Variants in AGPS observed in about 807,000 individuals in gnomAD.
AGPS encodes alkyldihydroxyacetonephosphate synthase, peroxisomal.
A neutral mutation model predicts 90.7 loss-of-function variants in AGPS; 26 were observed. The observed-to-expected ratio is 0.29, with a 90% CI of 0.21 to 0.40. The LOEUF is 0.40. AGPS is among the 10% of genes least tolerant of loss of function. The pLI is 1.00. For missense variants in AGPS, 540 were observed against 816.1 expected, an observed-to-expected ratio of 0.66 and a Z score of 4.12; for synonymous variants, 294 against 285.3, an observed-to-expected ratio of 1.03 and a Z score of -0.31.
At chr2:177,507,887 C>G (rs1688759501) in intron 15 of AGPS, 83 bp from the exon 16 acceptor site, 2 of 971,352 alleles carry the variant, frequency 2.1e-6, no homozygotes, top group African/African-American at 1.6e-5. Flanking sequence ...GTGATACTAA[C>G]AATGAATATG....
At chr2:177,397,295 A>C (rs1685208685) in intron 1 of AGPS, among the ~76,000 whole-genome samples, 2 of 152,124 alleles carry the variant, frequency 1.3e-5, no homozygotes, top group Admixed American at 6.5e-5. Context: ...TGCTGAGCAG[A>C]GTATTGAAGT....
At chr2:177,449,515 C>T (rs896819748) in intron 8 of AGPS, among the ~76,000 whole-genome samples, 2 of 152,156 alleles carry the variant, frequency 1.3e-5, no homozygotes, top group Non-Finnish European at 2.9e-5. Context: ...CTTGACCTCC[C>T]TGGGCTTAGG....
intron 9 of AGPS, 51 bp downstream of exon 9, chr2:177,462,069 AT>A: frequency 7.0e-7 from 1 of 1,432,364 alleles, no homozygotes; most frequent in East Asian, 2.8e-5. Flanking sequence ...TATAGATATT[AT>A]TATAAAATGA....
intron 16 of AGPS, among the ~76,000 whole-genome samples, chr2:177,508,873 C>G (rs1688784808): frequency 6.6e-6 from 1 of 152,168 alleles, no homozygotes; most frequent in African/African-American, 2.4e-5. Flanking sequence ...TTCTTTTGAT[C>G]ATCATGTTGG....
chr2:177,495,783 T>C (rs1688394560), intron 12 of AGPS, among the ~76,000 whole-genome samples: 1 of 150,914 alleles, frequency 6.6e-6, no homozygotes, highest in Admixed American at 6.6e-5. Flanking sequence ...CTGGGCATGT[T>C]GGCGAGCACC....
intron 11 of AGPS, among the ~76,000 whole-genome samples, chr2:177,483,385 G>T (rs911998467): frequency 2.0e-5 from 3 of 152,090 alleles, no homozygotes; most frequent in Non-Finnish European, 4.4e-5. Flanking sequence ...CTTTCATGAA[G>T]TACAGCTATA....
Position 177,434,401 on chromosome 2 carries a change from A to G in AGPS, c.425A>G (p.His142Arg), listed in dbSNP as rs144836649. 9 of 1,612,188 alleles carry G rather than the reference A, an allele frequency of 5.6e-6. No homozygotes were observed. Among genetic ancestry groups the G allele is most frequent in the East Asian group, 2.2e-5 (1 of 44,776 alleles). The change falls in exon 3 of 20, where the codon CAT (histidine) becomes CGT (arginine). Residue 142 changes from histidine to arginine, a missense_variant. By Grantham distance (29) the His-to-Arg change is conservative. This residue lies in a region of AGPS where 405 missense variants were observed against 692.1 expected (regional missense o/e 0.59). Coordinates refer to ENST00000264167, the MANE Select transcript of AGPS (RefSeq NM_003659.4). ...AATACCCTTGGAGTAAATGTGGAGC[A>G]TAAAACTACCTCTAAAGTAAGCAAA... ...IQNTLGVNVE[H>R]KTTSKASLNP...
intron 17 of AGPS, among the ~76,000 whole-genome samples, chr2:177,519,924 T>C (rs1358818862): frequency 3.3e-5 from 5 of 152,214 alleles, no homozygotes; most frequent in Non-Finnish European, 7.3e-5. Flanking sequence ...TTTTTATGGT[T>C]GTTTCTTGAT....
At chr2:177,431,729 G>T (rs1686250214) in intron 2 of AGPS, among the ~76,000 whole-genome samples, 1 of 152,124 alleles carries the variant, frequency 6.6e-6, no homozygotes, top group Non-Finnish European at 1.5e-5. Context: ...TATTGTGCCT[G>T]ACCCCGCAGG....
chr2:177,504,676 A>G (rs1225634746), intron 14 of AGPS, among the ~76,000 whole-genome samples: 1 of 152,142 alleles, frequency 6.6e-6, no homozygotes, highest in Non-Finnish European at 1.5e-5. Flanking sequence ...AGAAGAAGAA[A>G]ATATTTAATT....
At chr2:177,397,503 G>A (rs191712725) in intron 1 of AGPS, among the ~76,000 whole-genome samples, 28 of 148,970 alleles carry the variant, frequency 1.9e-4, no homozygotes, top group African/African-American at 6.2e-4. Flanking sequence ...GTGGTCTTAC[G>A]AAAAAGAGAA....
chr2:177,449,921 T>G (rs1284725309), intron 8 of AGPS, among the ~76,000 whole-genome samples: 1 of 151,732 alleles, frequency 6.6e-6, no homozygotes, highest in Non-Finnish European at 1.5e-5. Flanking sequence ...CACTGCAAGC[T>G]CCGCCTCCCG....
intron 14 of AGPS, among the ~76,000 whole-genome samples, chr2:177,500,405 G>T (rs1367766865): frequency 4.0e-5 from 6 of 151,574 alleles, no homozygotes; most frequent in African/African-American, 9.7e-5. Flanking sequence ...TTTCTTTTTT[G>T]ATTTCAGGGA....
chr2:177,412,968 G>T (rs945068464), intron 1 of AGPS, among the ~76,000 whole-genome samples: 2 of 152,172 alleles, frequency 1.3e-5, no homozygotes, highest in East Asian at 3.9e-4. Context: ...TGGACACCCT[G>T]CTGGATCTGG....
At chr2:177,439,533 C>T (rs1438958684) in intron 5 of AGPS, among the ~76,000 whole-genome samples, 1 of 152,064 alleles carries the variant, frequency 6.6e-6, no homozygotes, top group East Asian at 1.9e-4. Context: ...AGATAGCAAG[C>T]TTTATAAGTT....
intron 2 of AGPS, among the ~76,000 whole-genome samples, chr2:177,421,320 TTACTA>T (rs1246323028): frequency 1.3e-5 from 2 of 152,054 alleles, no homozygotes; most frequent in Non-Finnish European, 2.9e-5. Context: ...CTATTGGACA[TTACTA>T]TACTTAAGTT....
At chr2:177,444,259 A>G (rs1326420775) in intron 7 of AGPS, among the ~76,000 whole-genome samples, 7 of 151,890 alleles carry the variant, frequency 4.6e-5, no homozygotes, top group Non-Finnish European at 8.8e-5. Flanking sequence ...TGTCCCTACT[A>G]AAAATACAAA....
chr2:177,398,216 A>G lies in AGPS; in HGVS notation c.260+5167A>G, dbSNP rs183635738. 2.1e-3 allele frequency among the ~76,000 whole-genome samples: 319 copies of G among 152,238 alleles called. 3 individuals are homozygous for G. The highest frequency in any genetic ancestry group is 7.4e-3 in the African/African-American group (306 of 41,544). On this transcript the variant is annotated intron_variant, in intron 1 of 19. Transcript: ENST00000264167. Reference sequence around the variant, plus strand: ...CAAGTGACCTGGCTTAAAACTTAACATCGTTTGGCAAAATTCGAGCTTATT... The same window carrying G: ...CAAGTGACCTGGCTTAAAACTTAACGTCGTTTGGCAAAATTCGAGCTTATT...
chr2:177,513,085 CATT>C (rs10528684), intron 16 of AGPS, among the ~76,000 whole-genome samples: 126,745 of 149,992 alleles, frequency 0.85, 53,742 homozygotes, highest in East Asian at 0.98. Context: ...TTAATTGAAT[CATT>C]ATTATTATTA....
Sources: gnomAD v4.1 joint callset for allele counts (sites outside exome capture counted in the v4.1 genomes callset) on GRCh38, gnomAD v4.1.1 for gene constraint, gnomAD v4.1.1 regional missense constraint, MANE v1.5 for transcripts, NCBI Gene and HGNC (gene_info 2026-07-23, HGNC 2026-07-21) for gene names.